Variants in RAD54L2 observed in about 807,000 individuals in gnomAD.
The protein encoded by RAD54L2 is RAD54 like 2, also known as helicase ARIP4.
In RAD54L2, 27 loss-of-function variants were observed where a neutral mutation model predicts 138.4. The ratio of observed to expected loss-of-function variants is 0.20; its 90% CI spans 0.14 to 0.27. RAD54L2 has a LOEUF of 0.27. RAD54L2 is among the 10% of genes least tolerant of loss of function. The pLI is 1.00. For missense variants in RAD54L2, 1,396 were observed against 1,890.2 expected, an observed-to-expected ratio of 0.74 and a Z score of 4.85; for synonymous variants, 644 against 723.2, an observed-to-expected ratio of 0.89 and a Z score of 1.76.
At chr3:51,541,261 G>A (rs1698540866) in intron 1 of RAD54L2, 1 of 152,090 alleles carries the variant, frequency 6.6e-6, no homozygotes, top group Admixed American at 6.6e-5. Context: ...AATCAGTAAA[G>A]ACATTGAATA....
At position 51,663,209 on chromosome 3, in the gene RAD54L2, C is replaced by T. The variant is rs755930753; in HGVS notation, c.4193C>T (p.Ala1398Val). 9 of 1,613,866 alleles carry T rather than the reference C, an allele frequency of 5.6e-6. No homozygotes were observed. In the Admixed American group the frequency reaches 6.7e-5, roughly 12 times the overall value. ...CTCCTGTCCGAGCCGAGGATGTTTGCGCCTTTTCCTTCCCCTGTCTTGCCC... is the reference window on the plus strand; with the variant it reads ...CTCCTGTCCGAGCCGAGGATGTTTGTGCCTTTTCCTTCCCCTGTCTTGCCC... ...QPLLSEPRMF[A>V]PFPSPVLPSN... The change falls in exon 23 of 23, where the codon GCG becomes GTG. Residue 1398 changes from alanine (A) to valine (V), a missense_variant. By Grantham distance (64) the Ala-to-Val change is moderately conservative (BLOSUM62 0). Coordinates refer to ENST00000684192, the MANE Select transcript of RAD54L2 (RefSeq NM_015106.4).
At chr3:51,647,678 A>AT (rs950074609) in intron 19 of RAD54L2, among the ~76,000 whole-genome samples, 10 of 151,272 alleles carry the variant, frequency 6.6e-5, no homozygotes, top group Non-Finnish European at 1.3e-4. Flanking sequence ...TCAAAAAAAA[A>AT]TTTTTTTTTC....
At position 51,637,270 on chromosome 3, in the gene RAD54L2, C is replaced by T. The variant is rs753033600; in HGVS notation, c.1449C>T (p.Arg483=). The T allele has an allele frequency of 6.2e-7, 1 of 1,607,772 alleles. No individual in the cohort carries two copies. The highest frequency in any genetic ancestry group is 1.3e-5 in the African/African-American group (1 of 74,830). The stretch of plus-strand genomic sequence containing the variant: ...CCTCACAGGCTCTGAAGAATATCCG[C>T]TCTCGCCGCCGGGTGGTGCTGACTG... ...ASTSQALKNI[R]SRRRVVLTGY... Residue 483 remains arginine (R), a synonymous_variant, in exon 11 of 23, where the codon CGC becomes CGT. Transcript: ENST00000684192. The surrounding 1 kb of genome is among the most constrained non-coding windows in gnomAD (Gnocchi z 5.9).
intron 3 of RAD54L2, among the ~76,000 whole-genome samples, chr3:51,600,956 C>A (rs1477893836): frequency 1.3e-5 from 2 of 152,172 alleles, no homozygotes; most frequent in Admixed American, 6.5e-5. Flanking sequence ...GACAGTGAGA[C>A]TCCATCTCAA....
chr3:51,577,266 T>G (rs1054009107), intron 2 of RAD54L2, among the ~76,000 whole-genome samples: 1 of 152,218 alleles, frequency 6.6e-6, no homozygotes. Flanking sequence ...TACTTCCAAC[T>G]ATGTGGTCAA....
chr3:51,568,393 C>T (rs186074719), intron 2 of RAD54L2, among the ~76,000 whole-genome samples: 3 of 152,230 alleles, frequency 2.0e-5, no homozygotes, highest in Non-Finnish European at 4.4e-5. Flanking sequence ...GAGACTAGGT[C>T]ACAAGAATGT....
At position 51,656,031 on chromosome 3, in the gene RAD54L2, C is replaced by A. The variant is rs1167546641; in HGVS notation, c.3087C>A (p.Thr1029=). The A allele has an allele frequency of 6.2e-7, 1 of 1,613,982 alleles. No homozygotes were observed. The highest frequency in any genetic ancestry group is 1.3e-5 in the African/African-American group (1 of 75,076). The change falls in exon 20 of 23, where the codon ACC becomes ACA. Residue 1029 remains threonine, a synonymous_variant. Coordinates refer to ENST00000684192, the MANE Select transcript of RAD54L2 (RefSeq NM_015106.4). ...PVASVRPVQS[T]PIPMMPRHVP... ...CCAGTGTTCGTCCTGTGCAGTCCAC[C>A]CCCATCCCCATGATGCCCCGGCATG...
Position 51,663,083 on chromosome 3 carries a change from C to T in RAD54L2, c.4067C>T (p.Ser1356Phe), listed in dbSNP as rs1430033153. 4.3e-6 allele frequency: 7 copies of T among 1,613,996 alleles called. No homozygotes were observed. In the African/African-American group the frequency reaches 9.3e-5, roughly 22 times the overall value. Residue 1356 changes from serine (S) to phenylalanine (F), a missense_variant, in exon 23 of 23, where the codon TCT becomes TTT. Around this residue, in one of 7 missense-constraint regions of RAD54L2, gnomAD observed 634 missense variants for 711.2 expected, o/e 0.89. Coordinates refer to ENST00000684192, the MANE Select transcript of RAD54L2 (RefSeq NM_015106.4). ...PLVPAGPVSS[S>F]STATSVTASN... is the part of the protein sequence containing the mutation. ...GTGCCAGCAGGCCCCGTCAGTTCCT[C>T]TTCCACGGCTACCTCAGTCACTGCC...
chr3:51,541,455 A>G (rs191535694), intron 1 of RAD54L2, 134 bp from the exon 2 acceptor site: 3 of 152,316 alleles, frequency 2.0e-5, no homozygotes, highest in Admixed American at 2.0e-4. Context: ...GTTTTGGTGT[A>G]TGTCTCAACG....
intron 2 of RAD54L2, among the ~76,000 whole-genome samples, chr3:51,543,882 C>T (rs1467751414): frequency 4.6e-5 from 7 of 152,252 alleles, no homozygotes; most frequent in African/African-American, 1.7e-4. Context: ...ACCAGGAGTT[C>T]GGGCACCACC....
At chr3:51,641,669 T>C in intron 14 of RAD54L2, 80 bp from the exon 15 acceptor site, 1 of 922,120 alleles carries the variant, frequency 1.1e-6, no homozygotes. Context: ...TGTCAGAAAG[T>C]TGCACAAGAG....
intron 2 of RAD54L2, among the ~76,000 whole-genome samples, chr3:51,549,609 C>T (rs1464340675): frequency 2.0e-5 from 3 of 152,094 alleles, no homozygotes; most frequent in Non-Finnish European, 2.9e-5. Context: ...GAAACCTCAT[C>T]TCTACTAAAA....
rs1425894674 is a variant in RAD54L2, at chr3:51,551,498, C to T, written c.-55+9848C>T. On this transcript the variant is annotated intron_variant, in intron 2 of 22. Transcript: ENST00000684192. ...TCATCCAGGCTATAGTGCAGTGGCG[C>T]GATCTCGGCTCACTGCAACCTCCGC... Among the ~76,000 whole-genome samples the T allele has an allele frequency of 2.0e-5, 3 of 151,164 alleles. No homozygotes were observed. The South Asian group carries it at 6.3e-4, about 32-fold the overall frequency.
chr3:51,616,570 G>A (rs1030145943), intron 3 of RAD54L2, among the ~76,000 whole-genome samples: 24 of 152,172 alleles, frequency 1.6e-4, no homozygotes, highest in Admixed American at 1.3e-4. Context: ...GCTCATGCCT[G>A]TAATCCCAGC....
chr3:51,559,253 A>T (rs1215660437), intron 2 of RAD54L2, among the ~76,000 whole-genome samples: 1 of 151,992 alleles, frequency 6.6e-6, no homozygotes, highest in African/African-American at 2.4e-5. Context: ...TTTTATCTCC[A>T]CTGATATTCT....
intron 2 of RAD54L2, among the ~76,000 whole-genome samples, chr3:51,548,730 A>C (rs1553672878): frequency 6.6e-6 from 1 of 151,534 alleles, no homozygotes; most frequent in African/African-American, 2.4e-5. Flanking sequence ...CCCTTATTTC[A>C]GGCTGCTGGC....
rs143538650 is a variant in RAD54L2, at chr3:51,581,467, A to G, written c.-54-8900A>G. The stretch of plus-strand genomic sequence containing the variant: ...AAAAGCTTTGATTTGTTGAAATGCT[A>G]CTTCCACAGAGCTTTTCAGGATCAT... On this transcript the variant is annotated intron_variant, in intron 2 of 22. Transcript: ENST00000684192. 2.0e-3 allele frequency among the ~76,000 whole-genome samples: 310 copies of G among 152,362 alleles called. 3 individuals carry two copies. Among genetic ancestry groups the G allele is most frequent in the African/African-American group, 6.8e-3 (284 of 41,580 alleles).
chr3:51,647,267 A>G (rs1434245229), intron 19 of RAD54L2, among the ~76,000 whole-genome samples: 2 of 152,194 alleles, frequency 1.3e-5, no homozygotes, highest in Admixed American at 6.5e-5. Flanking sequence ...CAGTGGTGCG[A>G]TCACAGCTTC....
intron 3 of RAD54L2, among the ~76,000 whole-genome samples, chr3:51,608,458 T>C (rs1189234155): frequency 6.6e-6 from 1 of 152,126 alleles, no homozygotes. Flanking sequence ...CTCGGCACTT[T>C]GGGAGGCCAA....
Sources: allele counts gnomAD v4.1 joint callset (sites outside exome capture counted in the v4.1 genomes callset), GRCh38; gene constraint gnomAD v4.1.1; regional missense constraint gnomAD v4.1.1; non-coding constraint Gnocchi (gnomAD v3.1); transcripts MANE v1.5; gene names NCBI Gene and HGNC (gene_info 2026-07-23, HGNC 2026-07-21).